Variants in GRM7 observed in about 807,000 individuals in gnomAD.
GRM7 encodes the protein metabotropic glutamate receptor 7.
Under a neutral mutation model 84.5 loss-of-function variants are expected in GRM7, and 35 were observed. That is an observed-to-expected ratio of 0.41 (90% CI 0.32 to 0.55). The LOEUF is 0.55. Ranked by LOEUF, GRM7 falls within the 20% of genes least tolerant of loss-of-function variation. The pLI is 0.19. For synonymous variants in GRM7, 487 were observed against 455.1 expected (o/e 1.07, Z -0.89); for missense variants, 1,003 against 1,194.6 (o/e 0.84, Z 2.36).
At chr3:7,543,830 G>T (rs982336612) in intron 7 of GRM7, among the ~76,000 whole-genome samples, 1 of 152,190 alleles carries the variant, frequency 6.6e-6, no homozygotes, top group African/African-American at 2.4e-5. Context: ...GGATGGTGCT[G>T]CACTTGAGTT....
chr3:7,640,594 A>G (rs1233623131), intron 8 of GRM7, among the ~76,000 whole-genome samples: 1 of 152,206 alleles, frequency 6.6e-6, no homozygotes, highest in Admixed American at 6.6e-5. Flanking sequence ...TAGAAGGAAA[A>G]TATATTCCAT....
chr3:7,506,300 T>G (rs1316965002), intron 7 of GRM7, among the ~76,000 whole-genome samples: 1 of 152,152 alleles, frequency 6.6e-6, no homozygotes, highest in African/African-American at 2.4e-5. Flanking sequence ...CTATCAACAT[T>G]CTAGTCATAA....
chr3:7,327,290 T>G (rs922595390), intron 4 of GRM7, among the ~76,000 whole-genome samples: 4 of 152,160 alleles, frequency 2.6e-5, no homozygotes, highest in African/African-American at 9.7e-5. Context: ...TTGCCAGATC[T>G]CAGGGTGTAC....
intron 7 of GRM7, among the ~76,000 whole-genome samples, chr3:7,558,195 G>A (rs1339124898): frequency 6.6e-6 from 1 of 152,022 alleles, no homozygotes; most frequent in Non-Finnish European, 1.5e-5. Context: ...TACATTTAAT[G>A]CTTGAGCCTG....
At chr3:7,681,131 A>C (rs1700349252) in intron 9 of GRM7, 2 of 152,214 alleles carry the variant, frequency 1.3e-5, no homozygotes, top group African/African-American at 4.8e-5. Flanking sequence ...TTCAGATTTA[A>C]AATACTAGTT....
intron 2 of GRM7, among the ~76,000 whole-genome samples, chr3:7,147,482 A>G (rs1160822495): frequency 6.6e-6 from 1 of 152,128 alleles, no homozygotes; most frequent in Non-Finnish European, 1.5e-5. Context: ...ATTTCATGCA[A>G]TTTAAAGTGT....
chr3:7,106,220 TAGA>T (rs1401666328), intron 1 of GRM7, among the ~76,000 whole-genome samples: 1 of 151,854 alleles, frequency 6.6e-6, no homozygotes, highest in Non-Finnish European at 1.5e-5. Flanking sequence ...AAAATTAAAT[TAGA>T]AGCAAAATTT....
chr3:7,296,130 C>T (rs1324688332), intron 2 of GRM7, among the ~76,000 whole-genome samples: 1 of 151,842 alleles, frequency 6.6e-6, no homozygotes, highest in Non-Finnish European at 1.5e-5. Context: ...AGTACTTTCT[C>T]TGCATGTATT....
chr3:7,139,337 C>G (rs1302592281), intron 1 of GRM7, among the ~76,000 whole-genome samples: 1 of 151,582 alleles, frequency 6.6e-6, no homozygotes, highest in Non-Finnish European at 1.5e-5. Flanking sequence ...CACAGCAACA[C>G]ACAGCATTCA....
chr3:7,726,079 T>C (rs1313212809), intron 9 of GRM7, among the ~76,000 whole-genome samples: 2 of 152,124 alleles, frequency 1.3e-5, no homozygotes, highest in Non-Finnish European at 2.9e-5. Flanking sequence ...GAAGAAAGGG[T>C]CATTTTGTAA....
intron 1 of GRM7, among the ~76,000 whole-genome samples, chr3:7,079,590 C>T (rs1477169923): frequency 6.6e-6 from 1 of 151,918 alleles, no homozygotes; most frequent in Non-Finnish European, 1.5e-5. Flanking sequence ...AACACCATGC[C>T]TAGTAGGCAG....
chr3:7,288,382 G>T (rs951477536), intron 2 of GRM7, among the ~76,000 whole-genome samples: 6 of 152,132 alleles, frequency 3.9e-5, no homozygotes, highest in Non-Finnish European at 8.8e-5. Context: ...TGTGATGCAG[G>T]AAAGAGCGAG....
At chr3:7,378,158 C>A (rs188039236) in intron 4 of GRM7, among the ~76,000 whole-genome samples, 1 of 152,106 alleles carries the variant, frequency 6.6e-6, no homozygotes, top group Non-Finnish European at 1.5e-5. Flanking sequence ...GCTGCACAGC[C>A]CGGGAAGAGA....
At chr3:7,162,873 C>T (rs1290087782) in intron 2 of GRM7, among the ~76,000 whole-genome samples, 1 of 149,264 alleles carries the variant, frequency 6.7e-6, no homozygotes, top group Non-Finnish European at 1.5e-5. Context: ...GATTCTCCTA[C>T]CTCAGCCTAC....
At chr3:7,089,562 A>C (rs559266876) in intron 1 of GRM7, among the ~76,000 whole-genome samples, 1 of 152,338 alleles carries the variant, frequency 6.6e-6, no homozygotes, top group Admixed American at 6.5e-5. Context: ...GAAAATTAAA[A>C]TTGAAGGCAG....
At chr3:7,286,727 CTCT>C (rs1292575729) in intron 2 of GRM7, among the ~76,000 whole-genome samples, 3 of 152,076 alleles carry the variant, frequency 2.0e-5, no homozygotes, top group African/African-American at 7.2e-5. Flanking sequence ...GTCTCTTCCT[CTCT>C]TCTTTCAAGA....
At chr3:7,208,663 G>A (rs1435402489) in intron 2 of GRM7, among the ~76,000 whole-genome samples, 2 of 152,028 alleles carry the variant, frequency 1.3e-5, no homozygotes, top group East Asian at 1.9e-4. Flanking sequence ...GTCCTGTGGG[G>A]GTTCAGACCA....
At chr3:7,623,092 T>G (rs1697435956) in intron 8 of GRM7, among the ~76,000 whole-genome samples, 1 of 152,188 alleles carries the variant, frequency 6.6e-6, no homozygotes. Context: ...GAAATATAAT[T>G]CAGCCTAGCT....
At chr3:7,147,163 GACAA>G (rs991581197) in intron 2 of GRM7, among the ~76,000 whole-genome samples, 37 of 152,300 alleles carry the variant, frequency 2.4e-4, no homozygotes, top group African/African-American at 7.9e-4. Flanking sequence ...AATGTATTTA[GACAA>G]ACAGTCTTTC....
Sources: allele counts gnomAD v4.1 joint callset (sites outside exome capture counted in the v4.1 genomes callset), GRCh38; gene constraint gnomAD v4.1.1; transcripts MANE v1.5; gene names NCBI Gene and HGNC (gene_info 2026-07-23, HGNC 2026-07-21).